The following PKD1L1 variants were observed in gnomAD, a reference collection of about 807,000 sequenced individuals.
The protein encoded by PKD1L1 is polycystin 1 like 1, transient receptor potential channel interacting, also known as polycystin-1-like protein 1.
Under a neutral mutation model 323.4 loss-of-function variants are expected in PKD1L1, and 236 were observed. The ratio of observed to expected loss-of-function variants is 0.73; its 90% CI spans 0.66 to 0.81. PKD1L1 has a LOEUF of 0.81. Ranked by LOEUF, PKD1L1 falls within the 40% of genes least tolerant of loss-of-function variation. The pLI is 0.00. For synonymous variants in PKD1L1, 1,344 were observed against 1,335.0 expected, an observed-to-expected ratio of 1.01 and a Z score of -0.15; for missense variants, 3,320 against 3,508.0, an observed-to-expected ratio of 0.95 and a Z score of 1.35.
chr7:47,788,662 C>G (rs1196844232), intron 56 of PKD1L1, among the ~76,000 whole-genome samples: 1 of 149,888 alleles, frequency 6.7e-6, no homozygotes. Context: ...GTGGTGCAAT[C>G]TCGGCTCACA....
intron 2 of PKD1L1, among the ~76,000 whole-genome samples, chr7:47,942,542 T>C (rs1017485605): frequency 4.0e-5 from 6 of 151,882 alleles, no homozygotes; most frequent in African/African-American, 1.2e-4. Context: ...ACCAAATGTG[T>C]AGCCTAAGTT....
chr7:47,796,437 C>A (rs975696454), intron 54 of PKD1L1, among the ~76,000 whole-genome samples: 7 of 152,138 alleles, frequency 4.6e-5, no homozygotes, highest in Non-Finnish European at 1.0e-4. Flanking sequence ...GATGTGCATG[C>A]CCATATGTAA....
intron 1 of PKD1L1, among the ~76,000 whole-genome samples, chr7:47,947,750 A>G (rs924404624): frequency 4.6e-5 from 7 of 152,094 alleles, no homozygotes; most frequent in Non-Finnish European, 1.0e-4. Context: ...GGCAGATCAC[A>G]AGGTCAGGAG....
At chr7:47,805,303 T>C (rs1282973825) in intron 52 of PKD1L1, among the ~76,000 whole-genome samples, 1 of 152,252 alleles carries the variant, frequency 6.6e-6, no homozygotes, top group Non-Finnish European at 1.5e-5. Flanking sequence ...AGTTCTTTAA[T>C]CCTGGGTGTT....
At chr7:47,809,967 A>ATATACATATATATACTATATATATG in intron 50 of PKD1L1, among the ~76,000 whole-genome samples, 1 of 152,208 alleles carries the variant, frequency 6.6e-6, no homozygotes, top group African/African-American at 2.4e-5. Flanking sequence ...TATGAACTAT[A>ATATACATATATATACTATATATATG]TATACATATA....
chr7:47,869,949 C>A (rs570315053), intron 24 of PKD1L1, among the ~76,000 whole-genome samples: 2 of 151,904 alleles, frequency 1.3e-5, no homozygotes, highest in African/African-American at 4.8e-5. Flanking sequence ...TGGAAAATTA[C>A]AAATATGTAA....
rs376263525 is a variant in PKD1L1 at position 47,932,022 on chromosome 7, C to A, written c.433G>T (p.Ala145Ser). The A allele has an allele frequency of 1.2e-6, 2 of 1,613,444 alleles. No homozygotes were observed. Among genetic ancestry groups the A allele is most frequent in the Non-Finnish European group, 1.7e-6 (2 of 1,179,694 alleles). Residue 145 changes from alanine to serine, a missense_variant, in exon 5 of 57, where the codon GCC becomes TCC. Physicochemically the swap from Ala to Ser is moderately conservative, Grantham distance 99 (BLOSUM62 1). Transcript: ENST00000289672. ...AACCTGGGGCCACCACTGCTCCAGG[C>A]CCTTGCGATTATAATGAAAGGTTTG... ...PHKPFIIIARAWSSGGPRFHH... is the reference protein window; with the variant it reads ...PHKPFIIIARSWSSGGPRFHH...
rs117898669 is a variant in PKD1L1, at chr7:47,842,181, T to C, written c.5445+781A>G. On this transcript the variant is annotated intron_variant, in intron 34 of 56. Transcript: ENST00000289672. ...TGCATTGCTTGTGAATATATACATG[T>C]ATGTTTATCTGAAAGACAATTTAAA... 4.4e-3 allele frequency among the ~76,000 whole-genome samples: 665 copies of C among 152,314 alleles called. 3 individuals are homozygous for C. The highest frequency in any genetic ancestry group is 7.7e-3 in the Non-Finnish European group (523 of 68,034).
intron 30 of PKD1L1, 94 bp from the exon 31 acceptor site, chr7:47,853,321 C>T (rs1785822453): frequency 1.1e-6 from 1 of 911,154 alleles, no homozygotes; most frequent in Non-Finnish European, 1.8e-6. Flanking sequence ...TCAATTTGTG[C>T]AAAACATCCT....
At chr7:47,924,309 A>G (rs1013640144) in intron 7 of PKD1L1, among the ~76,000 whole-genome samples, 2 of 152,204 alleles carry the variant, frequency 1.3e-5, no homozygotes, top group Admixed American at 6.5e-5. Context: ...GAGCATCCCA[A>G]ACTGTCTTTG....
intron 14 of PKD1L1, among the ~76,000 whole-genome samples, chr7:47,897,274 C>T (rs1786976518): frequency 6.6e-6 from 1 of 152,206 alleles, no homozygotes; most frequent in South Asian, 2.1e-4. Flanking sequence ...TGCCCCACAG[C>T]TTAAAAGAAC....
chr7:47,957,566 T>G, the PKD1L1 span, among the ~76,000 whole-genome samples: 1 of 152,138 alleles, frequency 6.6e-6, no homozygotes, highest in Non-Finnish European at 1.5e-5. Flanking sequence ...TGAAGTGCAG[T>G]GTTGCAATCA....
At chr7:47,949,603 T>C (rs1429282341), upstream of PKD1L1, among the ~76,000 whole-genome samples, 4 of 152,160 alleles carry the variant, frequency 2.6e-5, no homozygotes, top group African/African-American at 4.8e-5. Context: ...TTTTCTCTTA[T>C]ATTTTTAAAG....
intron 25 of PKD1L1, among the ~76,000 whole-genome samples, chr7:47,866,128 T>TA (rs1037459520): frequency 1.3e-5 from 2 of 152,176 alleles, no homozygotes; most frequent in African/African-American, 4.8e-5. Flanking sequence ...CAAGATAAAA[T>TA]CAGACTGTTT....
chr7:47,959,748 A>G, the PKD1L1 span, among the ~76,000 whole-genome samples: 36,715 of 81,088 alleles, frequency 0.45, 6,320 homozygotes, highest in Admixed American at 0.49. Flanking sequence ...AGGGAGGTGG[A>G]GGGGTCAGCC....
chr7:47,927,515 C>T lies in PKD1L1; in HGVS notation c.1060+1689G>A, dbSNP rs371651064. On this transcript the variant is annotated intron_variant, in intron 7 of 56. Coordinates refer to ENST00000289672, the MANE Select transcript of PKD1L1 (RefSeq NM_138295.5). Reference sequence around the variant, plus strand: ...TCTTGACCTCGTGATCCACCCGCCTCGGTCTCCCAAAGCACTAGTATTACA... The same window carrying T: ...TCTTGACCTCGTGATCCACCCGCCTTGGTCTCCCAAAGCACTAGTATTACA... Among the ~76,000 whole-genome samples, 23 of 152,212 alleles carry T rather than the reference C, an allele frequency of 1.5e-4. 1 individual carries two copies. In the South Asian group the frequency reaches 3.7e-3, roughly 25 times the overall value.
In PKD1L1 at chr7:47,865,218, T is replaced by A; in HGVS notation, c.4147A>T (p.Lys1383Ter). 1.2e-6 allele frequency: 2 copies of A among 1,612,322 alleles called. No individual in the cohort carries two copies. The highest frequency in any genetic ancestry group is 1.7e-6 in the Non-Finnish European group (2 of 1,179,028). Residue 1383 changes from lysine (K) to a stop codon, truncating the protein, a stop_gained and splice_region_variant, in exon 26 of 57, where the codon AAG becomes TAG. Transcript: ENST00000289672. LOFTEE classifies it high-confidence loss of function. Reference protein sequence around the residue: ...MLRDLVSFSNKLGFMSAVLIL... With the variant: ...MLRDLVSFSN ...TTCTGGGAAAAAATTGCACTTACCT[T>A]ATTAGAGAAGCTCACGAGGTCCCTC...
At chr7:47,893,156 G>A (rs916005274) in intron 15 of PKD1L1, among the ~76,000 whole-genome samples, 1 of 151,402 alleles carries the variant, frequency 6.6e-6, no homozygotes, top group Admixed American at 6.6e-5. Flanking sequence ...CTTGAATCCG[G>A]GAGGCGGAGT....
chr7:47,915,389 T>A (rs766303642), intron 8 of PKD1L1, 43 bp downstream of exon 8: 1 of 784,408 alleles, frequency 1.3e-6, no homozygotes, highest in African/African-American at 1.7e-5. Context: ...CAGCTTTATA[T>A]CAGCCCACTC....
Sources: allele counts gnomAD v4.1 joint callset (sites outside exome capture counted in the v4.1 genomes callset), GRCh38; gene constraint gnomAD v4.1.1; transcripts MANE v1.5; gene names NCBI Gene and HGNC (gene_info 2026-07-23, HGNC 2026-07-21).